SCARB2: variants seen among roughly 807,000 people sequenced by gnomAD.
SCARB2 encodes lysosome membrane protein 2.
Under a neutral mutation model 58.6 loss-of-function variants are expected in SCARB2, and 29 were observed. The ratio of observed to expected loss-of-function variants is 0.49; its 90% CI spans 0.37 to 0.67. The LOEUF is 0.67. SCARB2 is among the 30% of genes least tolerant of loss of function. The probability of loss-of-function intolerance (pLI) is 0.00; values close to 1 mark genes in which losing one functional copy is unlikely to be tolerated. For missense variants in SCARB2, 488 were observed against 578.5 expected (o/e 0.84, Z 1.60); for synonymous variants, 195 against 210.1 (o/e 0.93, Z 0.62).
At chr4:76,218,580 T>TTTTGG (rs1733255121), upstream of SCARB2, among the ~76,000 whole-genome samples, 1 of 152,198 alleles carries the variant, frequency 6.6e-6, no homozygotes, top group Non-Finnish European at 1.5e-5. Flanking sequence ...TTCCAGTTTG[T>TTTTGG]TTTGGTTTGG....
At chr4:76,229,550 G>T (rs546778602) in intron 1 of SCARB2, among the ~76,000 whole-genome samples, 1 of 152,310 alleles carries the variant, frequency 6.6e-6, no homozygotes, top group Non-Finnish European at 1.5e-5. Context: ...GATGTGGTAT[G>T]CTCTCCCTTT....
At chr4:76,199,926 T>TA in intron 1 of SCARB2, among the ~76,000 whole-genome samples, 1 of 152,226 alleles carries the variant, frequency 6.6e-6, no homozygotes, top group Non-Finnish European at 1.5e-5. Flanking sequence ...TGTTTTGACT[T>TA]AAACTTTTAA....
intron 1 of SCARB2, among the ~76,000 whole-genome samples, chr4:76,222,213 A>G (rs999114313): frequency 6.6e-6 from 1 of 151,428 alleles, no homozygotes; most frequent in Admixed American, 6.6e-5. Context: ...TCTGGGCATC[A>G]TATTTCCTAT....
At chr4:76,208,489 G>A (rs1271681895) in intron 1 of SCARB2, among the ~76,000 whole-genome samples, 1 of 152,164 alleles carries the variant, frequency 6.6e-6, no homozygotes. Context: ...AGGAGATGAA[G>A]CATGTCTATG....
rs777270813 is a variant in SCARB2, at chr4:76,166,260, T to A, written c.1229A>T (p.Tyr410Phe). Reference protein sequence around the residue: ...DIRTMVFPVMYLNESVHIDKE... With the variant: ...DIRTMVFPVMFLNESVHIDKE... ...CGTCTCAGGACTTACCTCATTGAGGTACATCACTGGGAAAACCATGGTTCT... is the reference window on the plus strand; with the variant it reads ...CGTCTCAGGACTTACCTCATTGAGGAACATCACTGGGAAAACCATGGTTCT... Residue 410 changes from tyrosine to phenylalanine, a missense_variant, in exon 10 of 12, where the codon TAC becomes TTC. Coordinates refer to ENST00000264896, the MANE Select transcript of SCARB2 (RefSeq NM_005506.4). 1.1e-5 allele frequency: 18 copies of A among 1,614,126 alleles called. No individual in the cohort carries two copies. The East Asian group carries it at 2.2e-4, about 20-fold the overall frequency.
rs1320728813 is a variant in SCARB2, at chr4:76,223,024, A to G, written c.-358+11279T>C. ...CTTGACAGGTGGATGCATCAGACTA[A>G]TGATAATTGCACACCCCTTCAAAGC... is the stretch of plus-strand genomic sequence containing the variant. On this transcript the variant is annotated intron_variant, in intron 1 of 11. Transcript: ENST00000638295. 2.0e-5 allele frequency among the ~76,000 whole-genome samples: 3 copies of G among 152,262 alleles called. No individual in the cohort carries two copies. In the South Asian group the frequency reaches 6.2e-4, roughly 32 times the overall value.
intron 10 of SCARB2, chr4:76,164,576 C>A (rs6858014): frequency 0.36 from 54,856 of 150,956 alleles, 13,103 homozygotes; most frequent in African/African-American, 0.67. Context: ...CAGAGGTTGC[C>A]GTGAGCTGAG....
At chr4:76,224,179 T>C (rs1204180621) in intron 1 of SCARB2, among the ~76,000 whole-genome samples, 3 of 152,208 alleles carry the variant, frequency 2.0e-5, no homozygotes, top group Admixed American at 6.5e-5. Flanking sequence ...ATACAGTCCA[T>C]TACATACATG....
chr4:76,210,835 T>C (rs1241103758), intron 1 of SCARB2, among the ~76,000 whole-genome samples: 6 of 152,222 alleles, frequency 3.9e-5, no homozygotes, highest in Admixed American at 2.0e-4. Context: ...ACTTTTTGGA[T>C]AGGAATTCTC....
At chr4:76,168,226 A>G (rs1732055501) in intron 9 of SCARB2, among the ~76,000 whole-genome samples, 177 bp downstream of exon 9, 1 of 152,214 alleles carries the variant, frequency 6.6e-6, no homozygotes. Context: ...ATGATTAAAT[A>G]AAACAAGTAA....
At chr4:76,208,209 C>G (rs1288471433) in intron 1 of SCARB2, among the ~76,000 whole-genome samples, 1 of 152,118 alleles carries the variant, frequency 6.6e-6, no homozygotes, top group African/African-American at 2.4e-5. Context: ...GCTATGCTGA[C>G]AACTGTTAGC....
rs1445761888 is a variant in SCARB2 at position 76,176,442 on chromosome 4, CCCATT to C, written c.694_698del (p.Asn232GlufsTer5). ...TGATAAATCATTTGACTTACGTTTT[CCCATT>C]CCATTCCACAATTTTTGTAAAGTTA... On this transcript the variant is annotated frameshift_variant, in exon 5 of 12. Coordinates refer to ENST00000264896, the MANE Select transcript of SCARB2 (RefSeq NM_005506.4). LOFTEE classifies it high-confidence loss of function. 1 of 1,605,308 alleles carries C rather than the reference CCCATT, an allele frequency of 6.2e-7. No individual in the cohort carries two copies. The highest frequency in any genetic ancestry group is 1.1e-5 in the South Asian group (1 of 90,758).
chr4:76,217,415 G>C (rs921943370), upstream of SCARB2, among the ~76,000 whole-genome samples: 2 of 152,162 alleles, frequency 1.3e-5, no homozygotes, highest in Non-Finnish European at 2.9e-5. Context: ...AGGTGTTTGG[G>C]TCCTGAGGAG....
intron 1 of SCARB2, among the ~76,000 whole-genome samples, chr4:76,207,194 G>C (rs573448593): frequency 1.3e-5 from 2 of 152,142 alleles, no homozygotes; most frequent in Non-Finnish European, 2.9e-5. Flanking sequence ...TGAGTGTAGA[G>C]TGGAGTCTTC....
At chr4:76,170,962 AT>A (rs1560706454) in intron 7 of SCARB2, among the ~76,000 whole-genome samples, 15 of 147,046 alleles carry the variant, frequency 1.0e-4, no homozygotes, top group South Asian at 8.5e-4. Context: ...ATATATATAT[AT>A]ATATATATAA....
At chr4:76,189,238 G>T (rs192045590) in intron 2 of SCARB2, among the ~76,000 whole-genome samples, 9 of 152,300 alleles carry the variant, frequency 5.9e-5, no homozygotes, top group African/African-American at 1.9e-4. Context: ...TTATTAAAAT[G>T]CAATTAGTCA....
chr4:76,199,659 G>T (rs2109963993), intron 1 of SCARB2, among the ~76,000 whole-genome samples: 1 of 152,352 alleles, frequency 6.6e-6, no homozygotes, highest in Non-Finnish European at 1.5e-5. Flanking sequence ...GAGGGACAGT[G>T]AAACTATGGA....
At chr4:76,173,505 A>ATT (rs796789161) in intron 7 of SCARB2, 10 of 144,554 alleles carry the variant, frequency 6.9e-5, no homozygotes, top group South Asian at 2.2e-4. Context: ...TAATTTTTTA[A>ATT]TTTTTTTTTT....
intron 1 of SCARB2, among the ~76,000 whole-genome samples, chr4:76,197,777 T>C (rs750777124): frequency 1.3e-5 from 2 of 152,214 alleles, no homozygotes; most frequent in African/African-American, 4.8e-5. Context: ...CGAGAATTTG[T>C]ATCAGTTATA....
Sources: allele counts gnomAD v4.1 joint callset (sites outside exome capture counted in the v4.1 genomes callset), GRCh38; gene constraint gnomAD v4.1.1; transcripts MANE v1.5; gene names NCBI Gene and HGNC (gene_info 2026-07-23, HGNC 2026-07-21).